Variants in PARP4 observed in about 807,000 individuals in gnomAD.
The protein encoded by PARP4 is protein mono-ADP-ribosyltransferase PARP4.
PARP4 carries 120 observed loss-of-function variants against 187.7 expected under a neutral mutation model. The ratio of observed to expected loss-of-function variants is 0.64; its 90% confidence interval spans 0.55 to 0.74. The LOEUF is 0.74. Among genes scored for constraint, PARP4 ranks in the 30% least tolerant of loss-of-function variants. PARP4 has a pLI of 0.00. For synonymous variants in PARP4, 654 were observed against 740.9 expected, an observed-to-expected ratio of 0.88 and a Z score of 1.90; for missense variants, 1,836 against 2,070.5, an observed-to-expected ratio of 0.89 and a Z score of 2.20.
chr13:24,425,569 G>GTGTGTGTGTATATC (rs1491353761), intron 33 of PARP4, among the ~76,000 whole-genome samples: 11 of 136,732 alleles, frequency 8.0e-5, no homozygotes, highest in African/African-American at 2.8e-4. Context: ...GTGTGTGTGT[G>GTGTGTGTGTATATC]TATATCTATA....
chr13:24,503,865 T>C (rs1314632258), intron 1 of PARP4, 88 bp from the exon 2 acceptor site: 2 of 1,148,200 alleles, frequency 1.7e-6, no homozygotes, highest in South Asian at 2.6e-5. Context: ...TGTGGGAAAA[T>C]TGGGCATTAT....
chr13:24,427,530 A>G (rs2137432116), intron 32 of PARP4, among the ~76,000 whole-genome samples: 1 of 152,302 alleles, frequency 6.6e-6, no homozygotes, highest in Admixed American at 6.5e-5. Context: ...GCCACAACAC[A>G]TAGCCAAAAA....
intron 12 of PARP4, among the ~76,000 whole-genome samples, chr13:24,483,987 A>G (rs9511303): frequency 0.93 from 141,622 of 152,240 alleles, 66,043 homozygotes; most frequent in East Asian, 0.99. Context: ...TGCTTATAGG[A>G]TTGTTTATCT....
chr13:24,490,604 C>T (rs1286179146), intron 10 of PARP4, 64 bp downstream of exon 10: 2 of 1,282,854 alleles, frequency 1.6e-6, no homozygotes, highest in Admixed American at 1.9e-5. Flanking sequence ...GTAATTAGCT[C>T]TTTAACGGAG....
chr13:24,497,700 C>T (rs1869030229), intron 6 of PARP4, among the ~76,000 whole-genome samples: 2 of 152,142 alleles, frequency 1.3e-5, no homozygotes, highest in Admixed American at 6.5e-5. Flanking sequence ...ACCTCAACAA[C>T]GGGATTGTGT....
intron 14 of PARP4, among the ~76,000 whole-genome samples, chr13:24,477,323 A>G (rs1272866065): frequency 6.6e-6 from 1 of 152,036 alleles, no homozygotes; most frequent in Non-Finnish European, 1.5e-5. Flanking sequence ...CTAAAAAAAA[A>G]AGTCACGGAT....
chr13:24,511,139 G>A (rs1485587575), intron 1 of PARP4, among the ~76,000 whole-genome samples: 1 of 152,104 alleles, frequency 6.6e-6, no homozygotes, highest in Non-Finnish European at 1.5e-5. Context: ...TAGCACCTGC[G>A]GCTGCGTGGG....
chr13:24,438,334 G>A (rs778159054), intron 30 of PARP4, among the ~76,000 whole-genome samples: 5 of 152,170 alleles, frequency 3.3e-5, no homozygotes, highest in East Asian at 1.9e-4. Flanking sequence ...CGCTGCTGAC[G>A]TGACAGGAGG....
intron 1 of PARP4, among the ~76,000 whole-genome samples, chr13:24,508,903 T>C (rs1381523785): frequency 6.6e-6 from 1 of 152,212 alleles, no homozygotes; most frequent in African/African-American, 2.4e-5. Context: ...TTAAATATTA[T>C]TGGAAAACAT....
At chr13:24,499,749 ACAGTCCATTCC>A (rs1869170434) in intron 4 of PARP4, among the ~76,000 whole-genome samples, 1 of 152,200 alleles carries the variant, frequency 6.6e-6, no homozygotes, top group Admixed American at 6.5e-5. Context: ...TCTCCAGACC[ACAGTCCATTCC>A]TCTCTAAAAT....
chr13:24,448,963 G>C (rs1214998073), intron 25 of PARP4, among the ~76,000 whole-genome samples: 1 of 152,242 alleles, frequency 6.6e-6, no homozygotes, highest in African/African-American at 2.4e-5. Flanking sequence ...CAGGCGCTGG[G>C]TGTAGGAGGG....
At chr13:24,468,241 C>A (rs917154886) in intron 17 of PARP4, among the ~76,000 whole-genome samples, 5 of 152,108 alleles carry the variant, frequency 3.3e-5, no homozygotes, top group Non-Finnish European at 7.4e-5. Flanking sequence ...CCAGCTATTC[C>A]CTCTTCCACA....
intron 32 of PARP4, among the ~76,000 whole-genome samples, chr13:24,430,299 G>A (rs1000574397): frequency 1.2e-4 from 18 of 152,074 alleles, no homozygotes; most frequent in African/African-American, 4.3e-4. Flanking sequence ...GTGAGACGCT[G>A]CTGCTCTATC....
At chr13:24,455,780 G>A (rs1871812739) in intron 21 of PARP4, among the ~76,000 whole-genome samples, 1 of 151,284 alleles carries the variant, frequency 6.6e-6, no homozygotes, top group African/African-American at 2.4e-5. Flanking sequence ...ACCACACCTG[G>A]CTAATTTTTT....
intron 25 of PARP4, among the ~76,000 whole-genome samples, chr13:24,448,657 A>G: frequency 6.6e-6 from 1 of 152,256 alleles, no homozygotes; most frequent in Non-Finnish European, 1.5e-5. Flanking sequence ...TCAAACAGAC[A>G]CTTGTATACC....
Position 24,494,600 on chromosome 13 carries a change from G to T in PARP4, c.714C>A (p.Thr238=). 6.2e-7 allele frequency: 1 copy of T among 1,608,996 alleles called. No individual in the cohort carries two copies. The highest frequency in any genetic ancestry group is 1.3e-5 in the African/African-American group (1 of 74,820). ...CTTGCAATTGTTCAGATGCTAATTG[G>T]GTTGCTTCAGGTGTGAAATGTTCTC... ...LLREHFTPEA[T]QLASEQLQAL... Residue 238 remains threonine (T), a synonymous_variant, in exon 7 of 34, where the codon ACC becomes ACA. Transcript: ENST00000381989.
chr13:24,428,573 C>CA (rs1338573724), intron 32 of PARP4, among the ~76,000 whole-genome samples: 1 of 152,148 alleles, frequency 6.6e-6, no homozygotes, highest in African/African-American at 2.4e-5. Context: ...CTCAACATCC[C>CA]AGGGCTCAGG....
chr13:24,427,372 T>TTTG (rs1565984832), intron 32 of PARP4, among the ~76,000 whole-genome samples: 4 of 147,698 alleles, frequency 2.7e-5, no homozygotes, highest in Non-Finnish European at 1.5e-5. Flanking sequence ...CCAAGCTTCT[T>TTTG]TTTTTTTTTT....
Position 24,446,688 on chromosome 13 carries a change from G to A in PARP4, c.3359C>T (p.Thr1120Ile). ...TTAGGTTTTGAATCTTACAGTTCCA[G>A]TTGTCTTCTGAAGCTCAGTAGTCGA... ...MVSTTELQKT[T>I]GTMIHKLAAR... The change falls in exon 27 of 34, where the codon ACT becomes ATT. Residue 1120 changes from threonine (T) to isoleucine (I), a missense_variant. Physicochemically the swap from Thr to Ile is moderately conservative, Grantham distance 89. Coordinates refer to ENST00000381989, the MANE Select transcript of PARP4 (RefSeq NM_006437.4). 1 of 1,574,150 alleles carries A rather than the reference G, an allele frequency of 6.4e-7. No homozygotes were observed. The highest frequency in any genetic ancestry group is 1.1e-5 in the South Asian group (1 of 90,242).
Sources: allele counts gnomAD v4.1 joint callset (sites outside exome capture counted in the v4.1 genomes callset), GRCh38; gene constraint gnomAD v4.1.1; transcripts MANE v1.5; gene names NCBI Gene and HGNC (gene_info 2026-07-23, HGNC 2026-07-21).